KCNJ3: variants seen among roughly 807,000 people sequenced by gnomAD.
KCNJ3 encodes potassium inwardly rectifying channel subfamily J member 3, also known as G protein-activated inward rectifier potassium channel 1.
A neutral mutation model predicts 39.2 loss-of-function variants in KCNJ3; 4 were observed. That is an observed-to-expected ratio of 0.10 (90% CI 0.05 to 0.23). The LOEUF (loss-of-function observed/expected upper bound fraction) is 0.23, where lower values mean the gene tolerates loss of function less well. KCNJ3 is among the 10% of genes least tolerant of loss of function. The pLI is 1.00. For synonymous variants in KCNJ3, 230 were observed against 237.4 expected, an observed-to-expected ratio of 0.97 and a Z score of 0.29; for missense variants, 276 against 634.9, an observed-to-expected ratio of 0.43 and a Z score of 6.08.
intron 2 of KCNJ3, among the ~76,000 whole-genome samples, chr2:154,796,315 G>A (rs1686720163): frequency 6.6e-6 from 1 of 151,964 alleles, no homozygotes. Context: ...GGATTTCTGT[G>A]GACATAAAAT....
chr2:154,841,110 C>T (rs529382698), intron 2 of KCNJ3, among the ~76,000 whole-genome samples: 36 of 152,204 alleles, frequency 2.4e-4, no homozygotes, highest in African/African-American at 7.9e-4. Flanking sequence ...TACATTCCAT[C>T]GATACCTAGT....
chr2:154,739,463 C>A (rs1685606232), intron 2 of KCNJ3, among the ~76,000 whole-genome samples: 1 of 152,036 alleles, frequency 6.6e-6, no homozygotes, highest in Non-Finnish European at 1.5e-5. Context: ...TGGTTGGTTA[C>A]TCTCTTTTTC....
chr2:154,855,198 G>A lies in KCNJ3; in HGVS notation c.1391G>A (p.Ser464Asn). The change falls in exon 3 of 3, where the codon AGC (serine) becomes AAC (asparagine). Residue 464 changes from serine to asparagine, a missense_variant. Ser to Asn is a conservative substitution (Grantham distance 46). Transcript: ENST00000295101. ...ACCAAGATGTTATCTGATCCCATGAGCCAGTCTGTGGCTGATTTGCCACCA... is the reference window on the plus strand; with the variant it reads ...ACCAAGATGTTATCTGATCCCATGAACCAGTCTGTGGCTGATTTGCCACCA... ...KTTKMLSDPM[S>N]QSVADLPPKL... 1 of 1,613,858 alleles carries A rather than the reference G, an allele frequency of 6.2e-7. No homozygotes were observed. Among genetic ancestry groups the A allele is most frequent in the Non-Finnish European group, 8.5e-7 (1 of 1,179,930 alleles).
chr2:154,839,009 C>G (rs925793269), intron 2 of KCNJ3, among the ~76,000 whole-genome samples: 4 of 152,114 alleles, frequency 2.6e-5, no homozygotes, highest in African/African-American at 9.7e-5. Flanking sequence ...AGGTTTGATA[C>G]ATCGGTATAC....
At chr2:154,708,243 C>A (rs1384926483) in intron 1 of KCNJ3, among the ~76,000 whole-genome samples, 1 of 152,102 alleles carries the variant, frequency 6.6e-6, no homozygotes, top group Non-Finnish European at 1.5e-5. Flanking sequence ...TTGACTAATT[C>A]TCCTGTTGAA....
intron 2 of KCNJ3, among the ~76,000 whole-genome samples, chr2:154,726,151 G>T (rs1377530115): frequency 2.0e-5 from 3 of 152,124 alleles, no homozygotes; most frequent in Non-Finnish European, 4.4e-5. Flanking sequence ...CACAGCAAAA[G>T]AAATAATCAG....
At chr2:154,819,563 G>A (rs1272741610) in intron 2 of KCNJ3, among the ~76,000 whole-genome samples, 2 of 151,658 alleles carry the variant, frequency 1.3e-5, no homozygotes, top group Admixed American at 1.3e-4. Context: ...ATGGAGTCTT[G>A]TTTTGTCACC....
rs746192941 is a variant in KCNJ3, at chr2:154,699,129, T to C, written c.354T>C (p.Gly118=). Residue 118 remains glycine (G), a synonymous_variant, in exon 1 of 3, where the codon GGT becomes GGC. Transcript: ENST00000295101. The surrounding 1 kb of genome is among the most constrained non-coding windows in gnomAD (Gnocchi z 6.4). ...GCGACCTGAACAAAGCCCACGTCGG[T>C]AACTACACGCCTTGCGTGGCCAATG... The part of the protein sequence containing the change: ...TRGDLNKAHV[G]NYTPCVANVY... 4 of 1,614,218 alleles carry C rather than the reference T, an allele frequency of 2.5e-6. No individual in the cohort carries two copies. In the South Asian group the frequency reaches 4.4e-5, roughly 18 times the overall value.
chr2:154,701,775 G>T (rs1180713956), intron 1 of KCNJ3, among the ~76,000 whole-genome samples: 1 of 152,016 alleles, frequency 6.6e-6, no homozygotes, highest in Non-Finnish European at 1.5e-5. Context: ...TTTACCTGTG[G>T]CATCAATTTA....
chr2:154,702,364 T>C (rs950609635), intron 1 of KCNJ3, among the ~76,000 whole-genome samples: 1 of 151,960 alleles, frequency 6.6e-6, no homozygotes, highest in East Asian at 1.9e-4. Flanking sequence ...ATTTGCTAAA[T>C]AAAAGCTTCT....
intron 2 of KCNJ3, among the ~76,000 whole-genome samples, chr2:154,821,635 ATTT>A (rs71422263): frequency 2.2e-4 from 19 of 88,078 alleles, no homozygotes; most frequent in South Asian, 9.1e-4. Flanking sequence ...AGAATATGTG[ATTT>A]TTTTTTTTTT....
At chr2:154,823,407 T>A (rs1339623917) in intron 2 of KCNJ3, among the ~76,000 whole-genome samples, 1 of 10,678 alleles carries the variant, frequency 9.4e-5, no homozygotes. Context: ...TTCCACATTC[T>A]TTTTTTTTTT....
chr2:154,700,577 C>A (rs1357542789), intron 1 of KCNJ3, among the ~76,000 whole-genome samples: 1 of 152,130 alleles, frequency 6.6e-6, no homozygotes, highest in South Asian at 2.1e-4. Flanking sequence ...AGAACTGAAG[C>A]CAGAGTCTGA....
At chr2:154,832,480 G>C (rs1251355747) in intron 2 of KCNJ3, among the ~76,000 whole-genome samples, 1 of 152,124 alleles carries the variant, frequency 6.6e-6, no homozygotes, top group African/African-American at 2.4e-5. Flanking sequence ...TCTCATTATA[G>C]TCCTAAACTT....
chr2:154,750,887 A>T (rs954637107), intron 2 of KCNJ3, among the ~76,000 whole-genome samples: 6 of 152,036 alleles, frequency 3.9e-5, no homozygotes, highest in African/African-American at 1.4e-4. Flanking sequence ...TTGGTGGTAG[A>T]TAATTATTTT....
intron 2 of KCNJ3, among the ~76,000 whole-genome samples, chr2:154,733,873 C>T (rs911930413): frequency 8.5e-5 from 13 of 152,096 alleles, no homozygotes; most frequent in African/African-American, 2.9e-4. Context: ...AAATCCTAGT[C>T]ACAGTTCCTA....
At chr2:154,730,457 T>C (rs1186276718) in intron 2 of KCNJ3, among the ~76,000 whole-genome samples, 1 of 152,156 alleles carries the variant, frequency 6.6e-6, no homozygotes, top group East Asian at 1.9e-4. Context: ...TCAAGCTTAA[T>C]AATTTAAAAG....
At chr2:154,714,108 T>A (rs78178979) in intron 2 of KCNJ3, among the ~76,000 whole-genome samples, 5,490 of 152,308 alleles carry the variant, frequency 0.036, 162 homozygotes, top group Non-Finnish European at 0.049. Flanking sequence ...TTTCCGAAAC[T>A]GTGTCTTTTA....
chr2:154,803,617 T>C (rs1003329523), intron 2 of KCNJ3, among the ~76,000 whole-genome samples: 17 of 151,982 alleles, frequency 1.1e-4, no homozygotes, highest in African/African-American at 3.6e-4. Flanking sequence ...TTAATTATTA[T>C]TTCAAAAACC....
Sources: gnomAD v4.1 joint callset for allele counts (sites outside exome capture counted in the v4.1 genomes callset) on GRCh38, gnomAD v4.1.1 for gene constraint, Gnocchi (gnomAD v3.1) non-coding constraint, MANE v1.5 for transcripts, NCBI Gene and HGNC (gene_info 2026-07-23, HGNC 2026-07-21) for gene names.